The following TIPARP variants were observed in gnomAD, a reference collection of about 807,000 sequenced individuals.
TIPARP encodes protein mono-ADP-ribosyltransferase TIPARP.
Under a neutral mutation model 56.5 loss-of-function variants are expected in TIPARP, and 12 were observed. The ratio of observed to expected loss-of-function variants is 0.21; its 90% CI spans 0.14 to 0.34. The LOEUF is 0.34. Ranked by LOEUF, TIPARP falls within the 10% of genes least tolerant of loss-of-function variation. The probability of loss-of-function intolerance (pLI) is 1.00; values close to 1 mark genes in which losing one functional copy is unlikely to be tolerated. For missense variants in TIPARP, 604 were observed against 781.6 expected, an observed-to-expected ratio of 0.77 and a Z score of 2.71; for synonymous variants, 296 against 265.7, an observed-to-expected ratio of 1.11 and a Z score of -1.11.
In TIPARP at chr3:156,694,126, A is replaced by G. The variant is rs200857296; in HGVS notation, c.1024A>G (p.Ile342Val). 4.3e-6 allele frequency: 7 copies of G among 1,613,302 alleles called. No homozygotes were observed. Among genetic ancestry groups the G allele is most frequent in the Admixed American group, 1.7e-5 (1 of 59,912 alleles). The change falls in exon 3 of 6, where the codon ATT becomes GTT. Residue 342 changes from isoleucine (I) to valine (V), a missense_variant. Coordinates refer to ENST00000295924, the MANE Select transcript of TIPARP (RefSeq NM_015508.5). The part of the protein sequence containing the change: ...STPPSSNVNS[I>V]YHTVWKFFCR... ...ACCACCCTCTAGCAATGTCAACTCT[A>G]TTTACCACACAGTCTGGAAATTCTT...
Position 156,705,006 on chromosome 3 carries a change from G to A in TIPARP, c.1849G>A (p.Asp617Asn), listed in dbSNP as rs757500372. Reference protein sequence around the residue: ...PPVNPGSVTSDLYDSCVDNFF... With the variant: ...PPVNPGSVTSNLYDSCVDNFF... ...AGTCAATCCTGGCAGTGTCACCAGT[G>A]ACCTTTATGACTCTTGTGTGGATAA... Residue 617 changes from aspartate to asparagine, a missense_variant, in exon 6 of 6, where the codon GAC (aspartate) becomes AAC (asparagine). Asp to Asn is a conservative substitution (Grantham distance 23). Coordinates refer to ENST00000295924, the MANE Select transcript of TIPARP (RefSeq NM_015508.5). The A allele has an allele frequency of 6.2e-7, 1 of 1,614,202 alleles. No homozygotes were observed. The highest frequency in any genetic ancestry group is 8.5e-7 in the Non-Finnish European group (1 of 1,180,040).
chr3:156,677,661 T>C lies in TIPARP; in HGVS notation c.-37T>C, dbSNP rs2108485063. The C allele has an allele frequency of 6.6e-7, 1 of 1,514,806 alleles. No individual in the cohort carries two copies. The highest frequency in any genetic ancestry group is 1.4e-5 in the South Asian group (1 of 73,548). The allele number at this position is 1,514,806 out of a possible 1,614,324, so 93.8% of individuals were successfully genotyped here. ...TCTTCCTTCCTTTCCTCGTAGGATT[T>C]TTAGACTCTGAGGAGCAGTTGGAGC... On this transcript the variant is annotated 5_prime_UTR_variant, in exon 2 of 6. Transcript: ENST00000295924.
Position 156,677,925 on chromosome 3 carries a change from G to T in TIPARP, c.228G>T (p.Arg76Ser). Residue 76 changes from arginine to serine, a missense_variant, in exon 2 of 6, where the codon AGG (arginine) becomes AGT (serine). By Grantham distance (110) the Arg-to-Ser change is moderately radical. Transcript: ENST00000295924. ...SGSLDGVFRS[R>S]NQSTDENSLH... ...CACTTGATGGGGTTTTTAGATCTAG[G>T]AACCAGAGTACAGATGAGAACAGCT... 6.2e-7 allele frequency: 1 copy of T among 1,614,110 alleles called. No individual in the cohort carries two copies. Among genetic ancestry groups the T allele is most frequent in the Non-Finnish European group, 8.5e-7 (1 of 1,180,028 alleles).
intron 2 of TIPARP, among the ~76,000 whole-genome samples, chr3:156,688,114 C>T (rs369372404): frequency 6.6e-6 from 1 of 152,134 alleles, no homozygotes; most frequent in African/African-American, 2.4e-5. Flanking sequence ...TGAGGCTGGG[C>T]GCAGTGGCTC....
At chr3:156,680,108 C>T (rs1312177967) in intron 2 of TIPARP, among the ~76,000 whole-genome samples, 2 of 151,920 alleles carry the variant, frequency 1.3e-5, no homozygotes, top group East Asian at 1.9e-4. Flanking sequence ...AAGTGCTGAA[C>T]AAGAAGAGAA....
chr3:156,698,648 C>T (rs943771108), intron 4 of TIPARP, among the ~76,000 whole-genome samples: 1 of 152,300 alleles, frequency 6.6e-6, no homozygotes, highest in South Asian at 2.1e-4. Flanking sequence ...GACAATGCAC[C>T]TGGTTACCCA....
Position 156,703,712 on chromosome 3 carries a change from A to T in TIPARP, c.1526+10A>T. 6.2e-7 allele frequency: 1 copy of T among 1,603,560 alleles called. No individual in the cohort carries two copies. The highest frequency in any genetic ancestry group is 1.3e-5 in the African/African-American group (1 of 74,700). ...GGGAGAAATATAAAAGGTGAGTCAGATGTATGAAAAGTTCAAGACGGCCGG... is the reference window on the plus strand; with the variant it reads ...GGGAGAAATATAAAAGGTGAGTCAGTTGTATGAAAAGTTCAAGACGGCCGG... On this transcript the variant is annotated intron_variant, in intron 5 of 5. Coordinates refer to ENST00000295924, the MANE Select transcript of TIPARP (RefSeq NM_015508.5).
intron 5 of TIPARP, 111 bp downstream of exon 5, chr3:156,703,813 A>G (rs1722910717): frequency 1.7e-6 from 2 of 1,162,392 alleles, no homozygotes; most frequent in Admixed American, 2.5e-5. Flanking sequence ...GGAGATCGAG[A>G]CCATCCTAGC....
In TIPARP at chr3:156,678,255, A is replaced by G; in HGVS notation, c.558A>G (p.Pro186=). The G allele has an allele frequency of 6.2e-7, 1 of 1,614,170 alleles. No individual in the cohort carries two copies. Among genetic ancestry groups the G allele is most frequent in the East Asian group, 2.2e-5 (1 of 44,892 alleles). ...TAGACAAAGTCATAGATTATGTTCC[A>G]GGCATTTTCCAAGAAAACAGTTTTA... The part of the protein sequence containing the change: ...DCLDKVIDYV[P]GIFQENSFTI... Residue 186 remains proline, a synonymous_variant, in exon 2 of 6, where the codon CCA becomes CCG. Transcript: ENST00000295924.
intron 3 of TIPARP, 30 bp downstream of exon 3, chr3:156,694,218 A>C: frequency 6.5e-7 from 1 of 1,545,932 alleles, no homozygotes; most frequent in African/African-American, 1.4e-5. Flanking sequence ...TGACAAGTAC[A>C]TTTTTCAAAT....
At chr3:156,703,310 G>A (rs1722897719) in intron 4 of TIPARP, 114 bp from the exon 5 acceptor site, 3 of 1,090,558 alleles carry the variant, frequency 2.8e-6, no homozygotes, top group Non-Finnish European at 3.8e-6. Flanking sequence ...TTTAAAATAA[G>A]CACTTAAGCT....
intron 2 of TIPARP, among the ~76,000 whole-genome samples, chr3:156,691,296 C>T (rs902864621): frequency 6.6e-6 from 1 of 152,270 alleles, no homozygotes; most frequent in East Asian, 1.9e-4. Flanking sequence ...TCTTAATTTT[C>T]CTGACCTTTA....
Position 156,694,250 on chromosome 3 carries a change from C to G in TIPARP, c.1086+62C>G, listed in dbSNP as rs1372576519. On this transcript the variant is annotated intron_variant, in intron 3 of 5. Transcript: ENST00000295924. ...AAATTTATTTTTTTCTTCCTGTATT[C>G]TTTTATTCTTTCTTTACAACAATGA... The G allele has an allele frequency of 2.1e-6, 3 of 1,433,432 alleles. No homozygotes were observed. In the African/African-American group the frequency reaches 4.4e-5, roughly 21 times the overall value. The allele number at this position is 1,433,432 out of a possible 1,614,324, so 88.8% of individuals were successfully genotyped here.
chr3:156,702,578 G>A (rs1481288272), intron 4 of TIPARP, among the ~76,000 whole-genome samples: 3 of 152,124 alleles, frequency 2.0e-5, no homozygotes, highest in Non-Finnish European at 4.4e-5. Context: ...GAGTGTTATA[G>A]CACCTGGCCC....
Position 156,678,077 on chromosome 3 carries a change from C to T in TIPARP, c.380C>T (p.Ser127Phe). 6.2e-7 allele frequency: 1 copy of T among 1,614,128 alleles called. No individual in the cohort carries two copies. Among genetic ancestry groups the T allele is most frequent in the South Asian group, 1.1e-5 (1 of 91,088 alleles). The change falls in exon 2 of 6, where the codon TCC becomes TTC. Residue 127 changes from serine (S) to phenylalanine (F), a missense_variant. Coordinates refer to ENST00000295924, the MANE Select transcript of TIPARP (RefSeq NM_015508.5). ...VGDQIPEAHP[S>F]TEAPERVVPI... ...GACCAGATACCGGAAGCCCATCCTTCCACTGAAGCTCCAGAACGAGTGGTT... is the reference window on the plus strand; with the variant it reads ...GACCAGATACCGGAAGCCCATCCTTTCACTGAAGCTCCAGAACGAGTGGTT...
At chr3:156,688,372 C>CAA (rs56676116) in intron 2 of TIPARP, among the ~76,000 whole-genome samples, 4 of 83,832 alleles carry the variant, frequency 4.8e-5, no homozygotes, top group Non-Finnish European at 9.1e-5. Context: ...GACCCTATCT[C>CAA]AAAAAAAAAA....
Position 156,705,112 on chromosome 3 carries a change from G to A in TIPARP, c.1955G>A (p.Ser652Asn). The A allele has an allele frequency of 7.0e-7, 1 of 1,418,586 alleles. No individual in the cohort carries two copies. The highest frequency in any genetic ancestry group is 9.4e-7 in the Non-Finnish European group (1 of 1,058,486). The allele number at this position is 1,418,586 out of a possible 1,614,324, so 87.9% of individuals were successfully genotyped here. A position where few individuals can be genotyped will look rare whatever the true frequency, so the allele number is the denominator to read the frequency against. Residue 652 changes from serine to asparagine, a missense_variant, in exon 6 of 6, where the codon AGT (serine) becomes AAT (asparagine). Physicochemically the swap from Ser to Asn is conservative, Grantham distance 46 (BLOSUM62 1). This residue lies in a region of TIPARP where 77 missense variants were observed against 161.0 expected (regional missense o/e 0.48). Coordinates refer to ENST00000295924, the MANE Select transcript of TIPARP (RefSeq NM_015508.5). ...TTTGTTATCCAATATGAAGAAGTCA[G>A]TAACACTGTTTCCATTTGAAAAATC... Reference protein sequence around the residue: ...PYFVIQYEEVSNTVSI With the variant: ...PYFVIQYEEVNNTVSI
At chr3:156,688,541 T>G (rs1258608021) in intron 2 of TIPARP, among the ~76,000 whole-genome samples, 5 of 150,112 alleles carry the variant, frequency 3.3e-5, no homozygotes, top group African/African-American at 1.2e-4. Context: ...AGCAAAAATC[T>G]TAAGTAGCAA....
At chr3:156,681,067 G>C in intron 2 of TIPARP, 1 of 448,046 alleles carries the variant, frequency 2.2e-6, no homozygotes, top group South Asian at 1.6e-5. Context: ...AAGTTGACTT[G>C]TGGTCATTGC....
Sources: allele counts gnomAD v4.1 joint callset (sites outside exome capture counted in the v4.1 genomes callset), GRCh38; gene constraint gnomAD v4.1.1; regional missense constraint gnomAD v4.1.1; transcripts MANE v1.5; gene names NCBI Gene and HGNC (gene_info 2026-07-23, HGNC 2026-07-21).